Variants in ELP4 observed in about 807,000 individuals in gnomAD.
The protein encoded by ELP4 is elongator acetyltransferase complex subunit 4.
A neutral mutation model predicts 48.9 loss-of-function variants in ELP4; 51 were observed. That is an observed-to-expected ratio of 1.04 (90% CI 0.83 to 1.32). The LOEUF (loss-of-function observed/expected upper bound fraction) is 1.32, where lower values mean the gene tolerates loss of function less well. ELP4 is among the 40% of genes most tolerant of loss of function. The pLI is 0.00. For missense variants in ELP4, 519 were observed against 514.6 expected (o/e 1.01, Z -0.08); for synonymous variants, 210 against 189.2 (o/e 1.11, Z -0.90).
intron 9 of ELP4, among the ~76,000 whole-genome samples, chr11:31,749,293 A>T (rs1036333262): frequency 6.6e-6 from 1 of 152,262 alleles, no homozygotes; most frequent in African/African-American, 2.4e-5. Context: ...TTATGAAAGC[A>T]TCAGAAAACT....
At chr11:31,669,323 C>T (rs188116538) in intron 9 of ELP4, among the ~76,000 whole-genome samples, 4 of 151,944 alleles carry the variant, frequency 2.6e-5, no homozygotes, top group African/African-American at 4.8e-5. Flanking sequence ...TAACCTCGTC[C>T]GCCTGCCTCG....
At chr11:31,698,128 G>C (rs542476767) in intron 9 of ELP4, among the ~76,000 whole-genome samples, 3 of 152,092 alleles carry the variant, frequency 2.0e-5, no homozygotes, top group African/African-American at 7.2e-5. Flanking sequence ...CAGCTGTAGC[G>C]GGGGTGGCGT....
intron 9 of ELP4, among the ~76,000 whole-genome samples, chr11:31,704,865 G>T (rs1374962073): frequency 6.6e-6 from 1 of 151,766 alleles, no homozygotes; most frequent in African/African-American, 2.4e-5. Context: ...ACAAAAGTTA[G>T]CCGGGCATGG....
chr11:31,661,518 A>G (rs1945554403), intron 9 of ELP4, among the ~76,000 whole-genome samples: 1 of 152,036 alleles, frequency 6.6e-6, no homozygotes, highest in South Asian at 2.1e-4. Flanking sequence ...CTTTTAGAGC[A>G]TAGGTGTTAT....
rs554638885 is a variant in ELP4 at position 31,725,020 on chromosome 11, A to G, written c.1144-58373A>G. Among the ~76,000 whole-genome samples the G allele has an allele frequency of 2.0e-5, 3 of 152,312 alleles. No homozygotes were observed. The East Asian group carries it at 5.8e-4, about 29-fold the overall frequency. On this transcript the variant is annotated intron_variant, in intron 9 of 9. Transcript: ENST00000640961. ...TGTGGTTCTCCCTCCTCTTTGCAAGACCTGGTTCCTCCAATTCGTTGGGCC... is the reference window on the plus strand; with the variant it reads ...TGTGGTTCTCCCTCCTCTTTGCAAGGCCTGGTTCCTCCAATTCGTTGGGCC...
In ELP4 at chr11:31,749,718, A is replaced by G. The variant is rs1439429567; in HGVS notation, c.1144-33675A>G. Among the ~76,000 whole-genome samples, 2 of 152,240 alleles carry G rather than the reference A, an allele frequency of 1.3e-5. 1 individual carries two copies. Among genetic ancestry groups the G allele is most frequent in the African/African-American group, 4.8e-5 (2 of 41,456 alleles). On this transcript the variant is annotated intron_variant, in intron 9 of 9. Transcript: ENST00000640961. ...GAGAAATACTGAAAAAAATAAATACATAAATATAACCACATAGATAGTAAT... is the reference window on the plus strand; with the variant it reads ...GAGAAATACTGAAAAAAATAAATACGTAAATATAACCACATAGATAGTAAT...
intron 3 of ELP4, among the ~76,000 whole-genome samples, chr11:31,589,307 C>G (rs989677493): frequency 3.3e-5 from 5 of 152,060 alleles, no homozygotes; most frequent in African/African-American, 1.2e-4. Context: ...AAATTTATAG[C>G]CTTTATTGGA....
At chr11:31,604,740 G>C (rs771081468) in intron 5 of ELP4, among the ~76,000 whole-genome samples, 7 of 151,860 alleles carry the variant, frequency 4.6e-5, no homozygotes, top group Non-Finnish European at 1.0e-4. Context: ...AATAATACCT[G>C]AGAATTTAGT....
At position 31,784,854 on chromosome 11, in the gene ELP4, T is replaced by C. The variant is rs1948482565; in HGVS notation, c.*1330T>C. 1 of 177,980 alleles carries C rather than the reference T, an allele frequency of 5.6e-6. No homozygotes were observed. The highest frequency in any genetic ancestry group is 1.2e-5 in the Non-Finnish European group (1 of 82,774). The allele number at this position is 177,980 out of a possible 1,614,324, so 11.0% of individuals were successfully genotyped here. On this transcript the variant is annotated 3_prime_UTR_variant, in exon 10 of 10. Transcript: ENST00000640961. ...AATCAATGACAGTGATTTGCCAGGA[T>C]GTCAAATCTCTCCATCATATCCTGT... is the stretch of plus-strand genomic sequence containing the variant.
chr11:31,736,839 A>C (rs1292611710), intron 9 of ELP4, among the ~76,000 whole-genome samples: 1 of 152,204 alleles, frequency 6.6e-6, no homozygotes, highest in African/African-American at 2.4e-5. Flanking sequence ...GAGGATGTGG[A>C]GAAATAGGAA....
At chr11:31,533,182 C>A (rs1298114043) in intron 2 of ELP4, among the ~76,000 whole-genome samples, 2 of 151,970 alleles carry the variant, frequency 1.3e-5, no homozygotes, top group Non-Finnish European at 1.5e-5. Flanking sequence ...GTTTTTAAAC[C>A]TTTACCCCCT....
intron 3 of ELP4, among the ~76,000 whole-genome samples, chr11:31,570,902 C>T (rs1006490878): frequency 6.8e-5 from 10 of 146,668 alleles, no homozygotes; most frequent in East Asian, 6.0e-4. Context: ...TGGGTTCAAG[C>T]GATTGTTCTG....
At chr11:31,755,692 A>C (rs968646431) in intron 9 of ELP4, among the ~76,000 whole-genome samples, 2 of 151,006 alleles carry the variant, frequency 1.3e-5, no homozygotes, top group Non-Finnish European at 3.0e-5. Context: ...GAGACTGTGG[A>C]GATATAGCAA....
intron 9 of ELP4, among the ~76,000 whole-genome samples, chr11:31,751,641 C>G (rs575999311): frequency 6.6e-6 from 1 of 152,168 alleles, no homozygotes; most frequent in African/African-American, 2.4e-5. Flanking sequence ...ACCTGAGGCT[C>G]TATCTCAAGC....
intron 9 of ELP4, among the ~76,000 whole-genome samples, chr11:31,780,127 G>A (rs557359487): frequency 1.6e-4 from 24 of 152,090 alleles, no homozygotes; most frequent in Non-Finnish European, 2.8e-4. Flanking sequence ...CTACAGCCCT[G>A]TAGTTTTAAG....
intron 4 of ELP4, chr11:31,599,177 A>G (rs188672180): frequency 5.0e-4 from 76 of 152,310 alleles, no homozygotes; most frequent in African/African-American, 1.8e-3. Context: ...AATGAATAGT[A>G]TGTAGATTAA....
chr11:31,768,248 A>C (rs997279175), intron 9 of ELP4, among the ~76,000 whole-genome samples: 1 of 152,236 alleles, frequency 6.6e-6, no homozygotes, highest in Non-Finnish European at 1.5e-5. Context: ...AAATAGGCAA[A>C]ACACACACAA....
At chr11:31,633,739 T>C (rs541055289) in intron 7 of ELP4, 18 of 152,178 alleles carry the variant, frequency 1.2e-4, no homozygotes, top group Middle Eastern at 3.4e-3. Flanking sequence ...AACAGACTTA[T>C]CAGATACTGG....
At chr11:31,576,927 G>C (rs575753812) in intron 3 of ELP4, among the ~76,000 whole-genome samples, 3 of 152,130 alleles carry the variant, frequency 2.0e-5, no homozygotes, top group Admixed American at 6.5e-5. Flanking sequence ...CAGAAGGTAA[G>C]AGATAACTAA....
Sources: allele counts gnomAD v4.1 joint callset (sites outside exome capture counted in the v4.1 genomes callset), GRCh38; gene constraint gnomAD v4.1.1; transcripts MANE v1.5; gene names NCBI Gene and HGNC (gene_info 2026-07-23, HGNC 2026-07-21).